Variants in CDKAL1 observed in about 807,000 individuals in gnomAD.
The protein encoded by CDKAL1 is threonylcarbamoyladenosine tRNA methylthiotransferase.
A neutral mutation model predicts 68.2 loss-of-function variants in CDKAL1; 32 were observed. That is an observed-to-expected ratio of 0.47 (90% CI 0.35 to 0.63). The LOEUF (loss-of-function observed/expected upper bound fraction) is 0.63, where lower values mean the gene tolerates loss of function less well. Ranked by LOEUF, CDKAL1 falls within the 30% of genes least tolerant of loss-of-function variation. CDKAL1 has a pLI of 0.00. For synonymous variants in CDKAL1, 234 were observed against 244.3 expected (o/e 0.96, Z 0.39); for missense variants, 606 against 696.7 (o/e 0.87, Z 1.47).
intron 13 of CDKAL1, among the ~76,000 whole-genome samples, chr6:21,113,622 C>G (rs1774235512): frequency 6.6e-6 from 1 of 152,000 alleles, no homozygotes; most frequent in Non-Finnish European, 1.5e-5. Context: ...CCTGCCTCAG[C>G]CTACCCGGCT....
At chr6:20,827,377 G>A (rs141897987) in intron 8 of CDKAL1, among the ~76,000 whole-genome samples, 291 of 152,248 alleles carry the variant, frequency 1.9e-3, no homozygotes, top group Middle Eastern at 6.8e-3. Context: ...TGCTATGTAT[G>A]TTCTTAGCTG....
chr6:21,147,421 T>G (rs1333188576), intron 13 of CDKAL1, among the ~76,000 whole-genome samples: 1 of 152,220 alleles, frequency 6.6e-6, no homozygotes, highest in Non-Finnish European at 1.5e-5. Context: ...GGGGCCATTC[T>G]GGACTCCGTG....
chr6:20,729,011 A>C (rs1269712689), intron 5 of CDKAL1, among the ~76,000 whole-genome samples: 1 of 152,202 alleles, frequency 6.6e-6, no homozygotes, highest in Non-Finnish European at 1.5e-5. Context: ...TTAAACAGGA[A>C]GTGTTAAAGT....
At chr6:20,916,482 A>G (rs996430296) in intron 9 of CDKAL1, among the ~76,000 whole-genome samples, 1 of 152,226 alleles carries the variant, frequency 6.6e-6, no homozygotes, top group African/African-American at 2.4e-5. Flanking sequence ...TAACAAGAGT[A>G]TAGCACTGAA....
intron 8 of CDKAL1, among the ~76,000 whole-genome samples, chr6:20,823,558 T>G (rs904221652): frequency 1.3e-5 from 2 of 152,214 alleles, no homozygotes; most frequent in African/African-American, 2.4e-5. Context: ...TACATAAACA[T>G]GCTCTGTGAG....
chr6:20,581,354 G>A (rs2127689347), intron 4 of CDKAL1, among the ~76,000 whole-genome samples: 1 of 152,316 alleles, frequency 6.6e-6, no homozygotes, highest in Admixed American at 6.5e-5. Flanking sequence ...CACTTAGAGT[G>A]TAAAAGATAC....
chr6:21,196,288 T>C (rs762626351), intron 13 of CDKAL1, among the ~76,000 whole-genome samples: 1 of 152,256 alleles, frequency 6.6e-6, no homozygotes, highest in Non-Finnish European at 1.5e-5. Context: ...ACTCACACTG[T>C]GAAATGTGTG....
At chr6:20,723,103 G>C (rs575333599) in intron 5 of CDKAL1, among the ~76,000 whole-genome samples, 1 of 152,302 alleles carries the variant, frequency 6.6e-6, no homozygotes, top group South Asian at 2.1e-4. Flanking sequence ...GCCCTTTCCA[G>C]TGGAGGGCAG....
Position 20,827,607 on chromosome 6 carries a change from TA to T in CDKAL1, c.639-18459del, listed in dbSNP as rs529776026. 1.5e-3 allele frequency among the ~76,000 whole-genome samples: 233 copies of T among 151,258 alleles called. 1 individual carries two copies. The highest frequency in any genetic ancestry group is 4.2e-3 in the African/African-American group (175 of 41,278). On this transcript the variant is annotated intron_variant, in intron 8 of 15. Transcript: ENST00000274695. Reference sequence around the variant, plus strand: ...CTATTACAAAGTGATGTTTTAGACATAAAAAAAAAGGTCTATGGAGTTGCAT... The same window carrying T: ...CTATTACAAAGTGATGTTTTAGACATAAAAAAAAGGTCTATGGAGTTGCAT...
intron 4 of CDKAL1, among the ~76,000 whole-genome samples, chr6:20,644,326 C>G (rs1031811310): frequency 2.6e-5 from 4 of 151,978 alleles, no homozygotes; most frequent in Admixed American, 6.6e-5. Context: ...GAGGAACTAT[C>G]TTTTGATAAT....
intron 10 of CDKAL1, among the ~76,000 whole-genome samples, chr6:20,966,751 C>T (rs1765336448): frequency 6.6e-6 from 1 of 152,114 alleles, no homozygotes; most frequent in Non-Finnish European, 1.5e-5. Context: ...TTTTTAAAAG[C>T]ATACTCTGTA....
intron 8 of CDKAL1, among the ~76,000 whole-genome samples, chr6:20,795,150 A>G (rs1013301434): frequency 2.6e-5 from 4 of 152,054 alleles, no homozygotes; most frequent in African/African-American, 9.7e-5. Context: ...TCTGCCATTT[A>G]CCTTCCTTTA....
chr6:20,703,001 A>G (rs1771439857), intron 5 of CDKAL1, among the ~76,000 whole-genome samples: 1 of 152,226 alleles, frequency 6.6e-6, no homozygotes, highest in South Asian at 2.1e-4. Context: ...AGAGAAGTGA[A>G]GAGCTGAGTT....
intron 10 of CDKAL1, among the ~76,000 whole-genome samples, chr6:20,956,141 T>C (rs772338202): frequency 1.3e-5 from 2 of 152,354 alleles, no homozygotes; most frequent in Admixed American, 1.3e-4. Flanking sequence ...TGTATTCCCA[T>C]TGTAAGGCCC....
At chr6:21,115,955 G>A (rs1181561289) in intron 13 of CDKAL1, among the ~76,000 whole-genome samples, 1 of 147,240 alleles carries the variant, frequency 6.8e-6, no homozygotes, top group Admixed American at 6.8e-5. Flanking sequence ...CTTCAGCAGA[G>A]GGTAACCCTA....
intron 12 of CDKAL1, among the ~76,000 whole-genome samples, chr6:21,074,756 C>T (rs1022883418): frequency 1.6e-4 from 24 of 152,056 alleles, no homozygotes; most frequent in African/African-American, 5.8e-4. Flanking sequence ...AAATATAATA[C>T]TATTGCAAAA....
chr6:20,881,795 G>A (rs1581755848), intron 9 of CDKAL1, among the ~76,000 whole-genome samples: 1 of 151,958 alleles, frequency 6.6e-6, no homozygotes, highest in Non-Finnish European at 1.5e-5. Context: ...TCTCCTGTTT[G>A]TATCTCCAAA....
chr6:20,565,438 C>T (rs1764425109), intron 4 of CDKAL1, among the ~76,000 whole-genome samples: 1 of 152,070 alleles, frequency 6.6e-6, no homozygotes, highest in South Asian at 2.1e-4. Context: ...AAAAACCCAT[C>T]CTCCTAACTC....
intron 5 of CDKAL1, among the ~76,000 whole-genome samples, chr6:20,710,193 G>T (rs1771783885): frequency 6.6e-6 from 1 of 152,072 alleles, no homozygotes; most frequent in African/African-American, 2.4e-5. Context: ...AATAAAAAAA[G>T]TAACAAGTTT....
Sources: allele counts gnomAD v4.1 joint callset (sites outside exome capture counted in the v4.1 genomes callset), GRCh38; gene constraint gnomAD v4.1.1; transcripts MANE v1.5; gene names NCBI Gene and HGNC (gene_info 2026-07-23, HGNC 2026-07-21).